The following SHANK2 variants were observed in gnomAD, a reference collection of about 807,000 sequenced individuals.
SHANK2 encodes the protein SH3 and multiple ankyrin repeat domains 2, also known as SH3 and multiple ankyrin repeat domains protein 2.
SHANK2 carries 43 observed loss-of-function variants against 133.7 expected under a neutral mutation model. The ratio of observed to expected loss-of-function variants is 0.32; its 90% confidence interval spans 0.25 to 0.41. The LOEUF is 0.41. Ranked by LOEUF, SHANK2 falls within the 10% of genes least tolerant of loss-of-function variation. SHANK2 has a pLI of 1.00. For missense variants in SHANK2, 1,994 were observed against 2,235.8 expected (o/e 0.89, Z 2.18); for synonymous variants, 1,017 against 952.8 (o/e 1.07, Z -1.24).
intron 17 of SHANK2, among the ~76,000 whole-genome samples, chr11:70,565,066 C>G (rs544944585): frequency 6.6e-6 from 1 of 152,270 alleles, no homozygotes; most frequent in Admixed American, 6.5e-5. Flanking sequence ...CTCTTCCTTA[C>G]GGGCTGTATT....
Position 70,508,927 on chromosome 11 carries a change from T to C in SHANK2, c.2062-5996A>G, listed in dbSNP as rs1055662867. Reference sequence around the variant, plus strand: ...TCGGGGGAGTCTGGATATAGAGATATGCACACAGGGAGAAGGCGCCATGAA... The same window carrying C: ...TCGGGGGAGTCTGGATATAGAGATACGCACACAGGGAGAAGGCGCCATGAA... On this transcript the variant is annotated intron_variant, in intron 17 of 25. Transcript: ENST00000601538. Among the ~76,000 whole-genome samples the C allele has an allele frequency of 2.0e-5, 3 of 152,216 alleles. No individual in the cohort carries two copies. The South Asian group carries it at 6.2e-4, about 32-fold the overall frequency.
chr11:71,085,776 TTA>T (rs1951388815), intron 8 of SHANK2, among the ~76,000 whole-genome samples: 1 of 74,646 alleles, frequency 1.3e-5, no homozygotes, highest in African/African-American at 5.6e-5. Context: ...TATATTATAT[TTA>T]TATTATATAA....
chr11:70,761,900 C>G (rs1555040332), intron 14 of SHANK2, among the ~76,000 whole-genome samples: 1 of 151,770 alleles, frequency 6.6e-6, no homozygotes, highest in Non-Finnish European at 1.5e-5. Flanking sequence ...TGGGATTCTG[C>G]ATTCCTAGCA....
At chr11:70,716,423 C>T (rs1487553520) in intron 14 of SHANK2, among the ~76,000 whole-genome samples, 1 of 152,152 alleles carries the variant, frequency 6.6e-6, no homozygotes, top group African/African-American at 2.4e-5. Context: ...GGAAATAGGA[C>T]ATCTAGAAAA....
intron 15 of SHANK2, among the ~76,000 whole-genome samples, chr11:70,685,680 G>A (rs1002503162): frequency 4.6e-5 from 7 of 152,104 alleles, no homozygotes; most frequent in African/African-American, 1.4e-4. Context: ...TGGAGAGAAC[G>A]GGGCAGCAGA....
chr11:71,094,042 C>A (rs1951563056), intron 7 of SHANK2, among the ~76,000 whole-genome samples: 1 of 152,088 alleles, frequency 6.6e-6, no homozygotes, highest in Admixed American at 6.5e-5. Context: ...CACGGACCCG[C>A]CACAGGGTGC....
chr11:70,720,338 G>A (rs1201823297), intron 14 of SHANK2, among the ~76,000 whole-genome samples: 1 of 152,234 alleles, frequency 6.6e-6, no homozygotes, highest in African/African-American at 2.4e-5. Flanking sequence ...AGAGGCTACA[G>A]AGAATGAGCC....
intron 12 of SHANK2, among the ~76,000 whole-genome samples, chr11:70,810,447 C>T (rs782297698): frequency 5.9e-5 from 9 of 152,186 alleles, no homozygotes; most frequent in Non-Finnish European, 1.2e-4. Flanking sequence ...AGCAGGGATG[C>T]GGGGAGGAGA....
chr11:70,951,786 G>A (rs1950849000), intron 10 of SHANK2, among the ~76,000 whole-genome samples: 1 of 152,248 alleles, frequency 6.6e-6, no homozygotes, highest in African/African-American at 2.4e-5. Flanking sequence ...AAAGGCTCTA[G>A]GGGAGGGTCT....
intron 2 of SHANK2, among the ~76,000 whole-genome samples, chr11:71,209,545 A>G (rs11232576): frequency 0.034 from 5,165 of 152,248 alleles, 260 homozygotes; most frequent in Admixed American, 0.15. Flanking sequence ...TCCCACCAGC[A>G]CACACATGGT....
At chr11:71,122,146 G>A (rs1275957384) in intron 3 of SHANK2, among the ~76,000 whole-genome samples, 1 of 152,184 alleles carries the variant, frequency 6.6e-6, no homozygotes, top group African/African-American at 2.4e-5. Flanking sequence ...CCATTACTGG[G>A]TATATACCCA....
intron 17 of SHANK2, among the ~76,000 whole-genome samples, chr11:70,540,045 AG>A (rs1297410073): frequency 6.6e-6 from 1 of 152,054 alleles, no homozygotes; most frequent in African/African-American, 2.4e-5. Context: ...TCTTCTTACA[AG>A]GAAGTGGGCC....
At chr11:70,658,254 CACACACACAG>C (rs1555012226) in intron 17 of SHANK2, among the ~76,000 whole-genome samples, 1 of 121,732 alleles carries the variant, frequency 8.2e-6, no homozygotes, top group Non-Finnish European at 1.6e-5. Context: ...CAGACACACA[CACACACACAG>C]ACACACACAC....
intron 11 of SHANK2, among the ~76,000 whole-genome samples, chr11:70,884,262 C>T (rs554368527): frequency 2.6e-5 from 4 of 152,324 alleles, no homozygotes; most frequent in Admixed American, 1.3e-4. Flanking sequence ...AGGGGCCAGA[C>T]AGGCTAAAGT....
At chr11:71,111,887 T>G (rs995195657) in intron 5 of SHANK2, among the ~76,000 whole-genome samples, 1 of 152,218 alleles carries the variant, frequency 6.6e-6, no homozygotes, top group Non-Finnish European at 1.5e-5. Flanking sequence ...TCTTGCCGTC[T>G]GAATACCGCT....
At chr11:70,631,348 C>G (rs2060983022) in intron 17 of SHANK2, 1 of 149,592 alleles carries the variant, frequency 6.7e-6, no homozygotes, top group Admixed American at 6.7e-5. Flanking sequence ...CTGCTGGGGG[C>G]CGTGCCATTC....
chr11:70,923,547 C>T (rs1430296952), intron 10 of SHANK2, among the ~76,000 whole-genome samples: 1 of 151,770 alleles, frequency 6.6e-6, no homozygotes, highest in Non-Finnish European at 1.5e-5. Flanking sequence ...CAGCTGCTTG[C>T]AACATTTTTT....
At position 71,236,568 on chromosome 11, in the gene SHANK2, C is replaced by T. The variant is rs191531913; in HGVS notation, c.-112-11772G>A. On this transcript the variant is annotated intron_variant, in intron 1 of 25. Coordinates refer to ENST00000601538, the MANE Select transcript of SHANK2 (RefSeq NM_012309.5). ...TGGAGGTTGCAGTGAGCCGAGATCA[C>T]GCTCAGCTTGAGCCTGGTTCCAGTA... Among the ~76,000 whole-genome samples, 61 of 152,332 alleles carry T rather than the reference C, an allele frequency of 4.0e-4. No individual in the cohort carries two copies. In the East Asian group the frequency reaches 0.011, roughly 27 times the overall value.
intron 17 of SHANK2, among the ~76,000 whole-genome samples, chr11:70,653,617 T>C (rs972384301): frequency 1.3e-5 from 2 of 150,106 alleles, no homozygotes; most frequent in East Asian, 3.9e-4. Flanking sequence ...ATATTCAGCA[T>C]GATCAGTCAT....
Sources: gnomAD v4.1 joint callset for allele counts (sites outside exome capture counted in the v4.1 genomes callset) on GRCh38, gnomAD v4.1.1 for gene constraint, MANE v1.5 for transcripts, NCBI Gene and HGNC (gene_info 2026-07-23, HGNC 2026-07-21) for gene names.